The following ERMARD variants were observed in gnomAD, a reference collection of about 807,000 sequenced individuals.
ERMARD encodes the protein endoplasmic reticulum membrane-associated RNA degradation protein.
ERMARD carries 71 observed loss-of-function variants against 83.9 expected under a neutral mutation model. That is an observed-to-expected ratio of 0.85 (90% CI 0.70 to 1.03). The LOEUF is 1.03. Ranked by LOEUF, ERMARD falls within the 50% of genes least tolerant of loss-of-function variation. ERMARD has a pLI of 0.00. For missense variants in ERMARD, 838 were observed against 810.9 expected, an observed-to-expected ratio of 1.03 and a Z score of -0.41; for synonymous variants, 284 against 298.6, an observed-to-expected ratio of 0.95 and a Z score of 0.50.
intron 3 of ERMARD, 26 bp downstream of exon 3, chr6:169,755,448 A>T: frequency 1.2e-6 from 2 of 1,613,178 alleles, no homozygotes; most frequent in Non-Finnish European, 1.7e-6. Flanking sequence ...AACCTTTAGA[A>T]ATAAAAGACT....
rs1791181054 is a variant in ERMARD at position 169,758,996 on chromosome 6, C to T, written c.536C>T (p.Ser179Phe). 1 of 1,614,020 alleles carries T rather than the reference C, an allele frequency of 6.2e-7. No homozygotes were observed. Among genetic ancestry groups the T allele is most frequent in the South Asian group, 1.1e-5 (1 of 91,006 alleles). Reference sequence around the variant, plus strand: ...AATGTGCTAAAAGTCTTCGTTGGCTCTCCGTGTGGTCTCAACCTGCGTAAC... The same window carrying T: ...AATGTGCTAAAAGTCTTCGTTGGCTTTCCGTGTGGTCTCAACCTGCGTAAC... ...VMNVLKVFVG[S>F]PCGLNLRNVL... Residue 179 changes from serine (S) to phenylalanine (F), a missense_variant, in exon 6 of 18, where the codon TCT (serine) becomes TTT (phenylalanine). Coordinates refer to ENST00000366773, the MANE Select transcript of ERMARD (RefSeq NM_018341.3).
At position 169,776,621 on chromosome 6, in the gene ERMARD, G is replaced by A. The variant is rs751071555; in HGVS notation, c.1687G>A (p.Glu563Lys). 1.9e-6 allele frequency: 3 copies of A among 1,614,098 alleles called. No individual in the cohort carries two copies. Among genetic ancestry groups the A allele is most frequent in the Non-Finnish European group, 2.5e-6 (3 of 1,180,058 alleles). The change falls in exon 16 of 18, where the codon GAA (glutamate) becomes AAA (lysine). Residue 563 changes from glutamate to lysine, a missense_variant. Coordinates refer to ENST00000366773, the MANE Select transcript of ERMARD (RefSeq NM_018341.3). The stretch of plus-strand genomic sequence containing the variant: ...AGAGCTGAGACACAGGCAGTGGGTG[G>A]AAAGGACGCTGCGGTCTCGCCAGCG... The part of the protein sequence containing the change: ...ASELRHRQWV[E>K]RTLRSRQRQN...
Position 169,781,497 on chromosome 6 carries a change from G to A in ERMARD, c.2021G>A (p.Ser674Asn), listed in dbSNP as rs1794194031. 2.5e-6 allele frequency: 4 copies of A among 1,597,814 alleles called. No individual in the cohort carries two copies. In the South Asian group the frequency reaches 4.6e-5, roughly 18 times the overall value. The change falls in exon 18 of 18, where the codon AGT (serine) becomes AAT (asparagine). Residue 674 changes from serine (S) to asparagine (N), a missense_variant. Transcript: ENST00000366773. ...ATACATTTAGCCAAGAAATCCACAA[G>A]TAAAGTACTCTTATGAAAACTTGTA... ...MLIHLAKKST[S>N]KVLL
chr6:169,781,565 A>C lies in ERMARD; in HGVS notation c.*52A>C, dbSNP rs774838138. 1.3e-6 allele frequency: 2 copies of C among 1,507,916 alleles called. No individual in the cohort carries two copies. The allele number at this position is 1,507,916 out of a possible 1,614,324, so 93.4% of individuals were successfully genotyped here. A position where few individuals can be genotyped will look rare whatever the true frequency, so the allele number is the denominator to read the frequency against. On this transcript the variant is annotated 3_prime_UTR_variant, in exon 18 of 18. Coordinates refer to ENST00000366773, the MANE Select transcript of ERMARD (RefSeq NM_018341.3). ...TTTTAACAGATTTTAACAGCGTGTA[A>C]ATTAAAAACCCAAAGACAGGGTGGA...
chr6:169,776,066 G>A lies in ERMARD; in HGVS notation c.1520+1G>A, dbSNP rs773959819. Reference sequence around the variant, plus strand: ...ACTTGGATCGTCTTCCTACTGAGACGTAAGTTCCAGGACATCCTGACAACT... The same window carrying A: ...ACTTGGATCGTCTTCCTACTGAGACATAAGTTCCAGGACATCCTGACAACT... On this transcript the variant is annotated splice_donor_variant, in intron 15 of 17. Transcript: ENST00000366773. LOFTEE classifies it high-confidence loss of function. The A allele has an allele frequency of 2.5e-5, 40 of 1,612,974 alleles. 1 individual carries two copies. In the South Asian group the frequency reaches 3.1e-4, roughly 12 times the overall value.
chr6:169,763,346 C>T (rs1791788517), intron 9 of ERMARD, among the ~76,000 whole-genome samples: 2 of 152,170 alleles, frequency 1.3e-5, no homozygotes, highest in East Asian at 3.9e-4. Flanking sequence ...GCCAGGCCTT[C>T]CTTATGGAGA....
At chr6:169,767,081 T>C (rs559998066) in intron 10 of ERMARD, 1 of 158,664 alleles carries the variant, frequency 6.3e-6, no homozygotes, top group East Asian at 1.8e-4. Flanking sequence ...AAATGCCTCT[T>C]GTCAGCCACG....
chr6:169,762,932 A>C (rs1791736466), intron 9 of ERMARD, among the ~76,000 whole-genome samples: 1 of 152,166 alleles, frequency 6.6e-6, no homozygotes, highest in Non-Finnish European at 1.5e-5. Flanking sequence ...TACAAATGGA[A>C]GACGTAGGAT....
At chr6:169,751,558 C>A (rs1025109634), upstream of ERMARD, 63 of 1,609,876 alleles carry the variant, frequency 3.9e-5, no homozygotes, top group Admixed American at 2.4e-4. Flanking sequence ...ACCTGCGCCT[C>A]GTACGGTAGG....
At chr6:169,775,132 C>G (rs1254306696) in intron 13 of ERMARD, 138 bp from the exon 14 acceptor site, 1 of 879,406 alleles carries the variant, frequency 1.1e-6, no homozygotes, top group African/African-American at 1.7e-5. Flanking sequence ...GAACTGACAC[C>G]CACCATCTGG....
intron 12 of ERMARD, 182 bp from the exon 13 acceptor site, chr6:169,773,137 T>G: frequency 3.7e-6 from 2 of 536,958 alleles, no homozygotes; most frequent in Non-Finnish European, 6.6e-6. Flanking sequence ...AAAATCATTT[T>G]ATTGGCTGTC....
At position 169,776,579 on chromosome 6, in the gene ERMARD, C is replaced by A. The variant is rs1207947803; in HGVS notation, c.1645C>A (p.Gln549Lys). 6.2e-7 allele frequency: 1 copy of A among 1,614,250 alleles called. No individual in the cohort carries two copies. The highest frequency in any genetic ancestry group is 1.1e-5 in the South Asian group (1 of 91,074). ...ISEQCRRVSS[Q>K]VTVASELRHR... ...CGAACAGTGCCGCCGTGTGTCCAGC[C>A]AGGTCACCGTTGCCTCAGAGCTGAG... The change falls in exon 16 of 18, where the codon CAG becomes AAG. Residue 549 changes from glutamine to lysine, a missense_variant. Physicochemically the swap from Gln to Lys is moderately conservative, Grantham distance 53. Coordinates refer to ENST00000366773, the MANE Select transcript of ERMARD (RefSeq NM_018341.3).
intron 12 of ERMARD, chr6:169,770,804 C>T (rs1792807247): frequency 6.6e-6 from 1 of 151,294 alleles, no homozygotes; most frequent in Non-Finnish European, 1.5e-5. Flanking sequence ...TTTTTATTTT[C>T]ATTTCTTTTT....
intron 10 of ERMARD, chr6:169,767,079 C>CT (rs1237666241): frequency 6.3e-6 from 1 of 159,358 alleles, no homozygotes; most frequent in Non-Finnish European, 1.4e-5. Context: ...GAAAATGCCT[C>CT]TTGTCAGCCA....
At chr6:169,765,513 T>C (rs1427753345) in intron 9 of ERMARD, among the ~76,000 whole-genome samples, 1 of 152,180 alleles carries the variant, frequency 6.6e-6, no homozygotes, top group African/African-American at 2.4e-5. Context: ...TAAAACAAAG[T>C]AGAAGCTAAT....
At chr6:169,775,800 G>T in intron 14 of ERMARD, 140 bp from the exon 15 acceptor site, 1 of 1,116,652 alleles carries the variant, frequency 9.0e-7, no homozygotes. Context: ...TTGTCATGGT[G>T]GCTTTTTCCA....
In ERMARD at chr6:169,779,272, G is replaced by A. The variant is rs781086812; in HGVS notation, c.1830G>A (p.Ala610=). 21 of 1,614,022 alleles carry A rather than the reference G, an allele frequency of 1.3e-5. No homozygotes were observed. The highest frequency in any genetic ancestry group is 5.0e-5 in the Admixed American group (3 of 59,996). Residue 610 remains alanine (A), a synonymous_variant, in exon 17 of 18, where the codon GCG becomes GCA. Coordinates refer to ENST00000366773, the MANE Select transcript of ERMARD (RefSeq NM_018341.3). ...VNIHAVCGKN[A]HEYQQYLKFV... Reference sequence around the variant, plus strand: ...TTCATGCTGTTTGTGGGAAGAATGCGCATGAGTATCAGCAGTACCTAAAGT... The same window carrying A: ...TTCATGCTGTTTGTGGGAAGAATGCACATGAGTATCAGCAGTACCTAAAGT...
At chr6:169,756,638 A>T in intron 4 of ERMARD, 81 bp from the exon 5 acceptor site, 2 of 1,266,656 alleles carry the variant, frequency 1.6e-6, no homozygotes, top group South Asian at 2.5e-5. Flanking sequence ...TCATTTGTAC[A>T]AACAGTTGCT....
intron 17 of ERMARD, among the ~76,000 whole-genome samples, chr6:169,780,408 T>C (rs556455488): frequency 6.6e-6 from 1 of 152,340 alleles, no homozygotes; most frequent in South Asian, 2.1e-4. Context: ...TTTTAGCTTC[T>C]CTTTAAGTTT....
Sources: gnomAD v4.1 joint callset for allele counts (sites outside exome capture counted in the v4.1 genomes callset) on GRCh38, gnomAD v4.1.1 for gene constraint, MANE v1.5 for transcripts, NCBI Gene and HGNC (gene_info 2026-07-23, HGNC 2026-07-21) for gene names.